The following CDK12 variants were observed in gnomAD, a reference collection of about 807,000 sequenced individuals.
The protein encoded by CDK12 is cyclin-dependent kinase 12.
In CDK12, 17 loss-of-function variants were observed where a neutral mutation model predicts 133.8. The observed-to-expected ratio is 0.13, with a 90% CI of 0.09 to 0.19. The LOEUF is 0.19. CDK12 is among the 10% of genes least tolerant of loss of function. The pLI is 1.00. For missense variants in CDK12, 1,508 were observed against 1,818.7 expected (o/e 0.83, Z 3.11); for synonymous variants, 694 against 683.6 (o/e 1.02, Z -0.24).
intron 3 of CDK12, among the ~76,000 whole-genome samples, chr17:39,559,546 C>T (rs897082353): frequency 1.9e-4 from 29 of 152,114 alleles, no homozygotes; most frequent in Admixed American, 6.6e-4. Flanking sequence ...TCTAAAATTT[C>T]GTAGTTTCAA....
chr17:39,505,057 C>T (rs547373466), intron 6 of CDK12, among the ~76,000 whole-genome samples: 10 of 150,650 alleles, frequency 6.6e-5, no homozygotes, highest in East Asian at 5.9e-4. Flanking sequence ...GGTAAAACCC[C>T]GTCTCTACTA....
At chr17:39,534,981 T>C (rs1272453129), downstream of CDK12, 1 of 152,324 alleles carries the variant, frequency 6.6e-6, no homozygotes, top group South Asian at 2.1e-4. Context: ...TCCCATGTTA[T>C]TACATGCAGA....
At chr17:39,491,274 G>T (rs2051578333) in intron 3 of CDK12, among the ~76,000 whole-genome samples, 1 of 152,068 alleles carries the variant, frequency 6.6e-6, no homozygotes, top group Admixed American at 6.6e-5. Context: ...TGCGTTCTTT[G>T]TTGCCCAGGC....
intron 2 of CDK12, among the ~76,000 whole-genome samples, chr17:39,478,989 AT>A (rs2050424586): frequency 6.6e-6 from 1 of 151,970 alleles, no homozygotes; most frequent in Admixed American, 6.6e-5. Flanking sequence ...ATGAAAAGTA[AT>A]TTTTACATAG....
chr17:39,558,623 A>G (rs796086583), intron 3 of CDK12, among the ~76,000 whole-genome samples: 49 of 152,322 alleles, frequency 3.2e-4, no homozygotes, highest in African/African-American at 1.1e-3. Context: ...CCAAACAAAT[A>G]AAACTTCATG....
At chr17:39,494,458 A>G (rs2051909866) in intron 4 of CDK12, 66 bp from the exon 5 acceptor site, 1 of 1,351,232 alleles carries the variant, frequency 7.4e-7, no homozygotes, top group Admixed American at 1.8e-5. Flanking sequence ...AAGGGCATAT[A>G]TTGCTGGTTC....
At chr17:39,555,794 G>A (rs1178213969) in intron 2 of CDK12, among the ~76,000 whole-genome samples, 1 of 149,906 alleles carries the variant, frequency 6.7e-6, no homozygotes, top group Non-Finnish European at 1.5e-5. Context: ...AGGAGTTCGA[G>A]ACCAGCCTGG....
intron 8 of CDK12, among the ~76,000 whole-genome samples, chr17:39,513,313 C>T (rs1343284235): frequency 6.6e-6 from 1 of 152,168 alleles, no homozygotes; most frequent in Non-Finnish European, 1.5e-5. Context: ...TCTTTCCATT[C>T]TTTTCCTTCC....
At chr17:39,503,958 A>T (rs1308845225) in intron 6 of CDK12, among the ~76,000 whole-genome samples, 2 of 152,192 alleles carry the variant, frequency 1.3e-5, no homozygotes, top group Non-Finnish European at 2.9e-5. Context: ...ATGCCGATAA[A>T]CTGGAGGCAG....
intron 2 of CDK12, among the ~76,000 whole-genome samples, chr17:39,490,188 G>A (rs1211309749): frequency 6.6e-6 from 1 of 150,778 alleles, no homozygotes; most frequent in East Asian, 2.0e-4. Flanking sequence ...CAAACATGGT[G>A]AAACCCCATC....
Position 39,470,364 on chromosome 17 carries a change from G to T in CDK12, c.1047-515G>T, listed in dbSNP as rs921978641. Reference sequence around the variant, plus strand: ...TCTCGATCTGCTGACCTGGTGATCTGCCCGCCTCAGCCTCCCAAAGTGCTG... The same window carrying T: ...TCTCGATCTGCTGACCTGGTGATCTTCCCGCCTCAGCCTCCCAAAGTGCTG... On this transcript the variant is annotated intron_variant, in intron 1 of 13. Transcript: ENST00000447079. Among the ~76,000 whole-genome samples the T allele has an allele frequency of 5.3e-5, 8 of 151,600 alleles. 1 individual carries two copies. The highest frequency in any genetic ancestry group is 4.2e-4 in the South Asian group (2 of 4,810).
chr17:39,508,020 C>T (rs1305163175), intron 6 of CDK12, among the ~76,000 whole-genome samples: 6 of 152,086 alleles, frequency 3.9e-5, no homozygotes, highest in Non-Finnish European at 8.8e-5. Flanking sequence ...TTCTGTACTA[C>T]ATGTTGAGTA....
At position 39,526,220 on chromosome 17, in the gene CDK12, G is replaced by A; in HGVS notation, c.3664G>A (p.Glu1222Lys). ...VLLSQLMKTQ[E>K]PAGSLEENNS... is the part of the protein sequence containing the mutation. Reference sequence around the variant, plus strand: ...CTTGAGTCAGCTGATGAAAACCCAAGAGCCAGCAGGCAGTCTGGAGGAAAA... The same window carrying A: ...CTTGAGTCAGCTGATGAAAACCCAAAAGCCAGCAGGCAGTCTGGAGGAAAA... Residue 1222 changes from glutamate to lysine, a missense_variant, in exon 13 of 14, where the codon GAG (glutamate) becomes AAG (lysine). Transcript: ENST00000447079. The A allele has an allele frequency of 4.3e-6, 7 of 1,613,762 alleles. No homozygotes were observed. Among genetic ancestry groups the A allele is most frequent in the Non-Finnish European group, 5.9e-6 (7 of 1,179,872 alleles).
intron 13 of CDK12, among the ~76,000 whole-genome samples, chr17:39,529,035 C>G (rs1368858616): frequency 4.6e-5 from 7 of 152,146 alleles, no homozygotes; most frequent in Admixed American, 4.6e-4. Context: ...TCCTTAAATT[C>G]ATTTTCCCCT....
chr17:39,505,584 C>A (rs184037651), intron 6 of CDK12, among the ~76,000 whole-genome samples: 1 of 148,830 alleles, frequency 6.7e-6, no homozygotes, highest in East Asian at 2.0e-4. Context: ...GAGCATATTT[C>A]TAGAATAGAT....
At chr17:39,556,425 G>C (rs1321166332) in intron 3 of CDK12, 1 of 152,340 alleles carries the variant, frequency 6.6e-6, no homozygotes, top group East Asian at 1.9e-4. Context: ...TATGTCCACT[G>C]CCATGAAGGG....
intron 9 of CDK12, 97 bp from the exon 10 acceptor site, chr17:39,517,343 C>A: frequency 1.4e-6 from 1 of 713,976 alleles, no homozygotes. Context: ...AAAGATTCCC[C>A]AGACCTCAGG....
chr17:39,526,498 C>T (rs1399403773), intron 13 of CDK12, among the ~76,000 whole-genome samples, 182 bp downstream of exon 13: 2 of 152,216 alleles, frequency 1.3e-5, no homozygotes, highest in Non-Finnish European at 2.9e-5. Flanking sequence ...ATTTAAGTCT[C>T]AAAGCTTCCC....
At chr17:39,494,972 C>T (rs1258499716) in intron 5 of CDK12, among the ~76,000 whole-genome samples, 2 of 152,014 alleles carry the variant, frequency 1.3e-5, no homozygotes, top group African/African-American at 2.4e-5. Context: ...GGGGTTTCAC[C>T]GTGTTAGCCA....
Sources: gnomAD v4.1 joint callset for allele counts (sites outside exome capture counted in the v4.1 genomes callset) on GRCh38, gnomAD v4.1.1 for gene constraint, MANE v1.5 for transcripts, NCBI Gene and HGNC (gene_info 2026-07-23, HGNC 2026-07-21) for gene names.